The following NFIA variants were observed in gnomAD, a reference collection of about 807,000 sequenced individuals.
NFIA encodes the protein nuclear factor I A.
In NFIA, 8 loss-of-function variants were observed where a neutral mutation model predicts 62.8. The observed-to-expected ratio is 0.13, with a 90% CI of 0.07 to 0.23. NFIA has a LOEUF of 0.23. NFIA is among the 10% of genes least tolerant of loss of function. The pLI is 1.00. For missense variants in NFIA, 410 were observed against 642.1 expected (o/e 0.64, Z 3.91); for synonymous variants, 235 against 238.1 (o/e 0.99, Z 0.12).
intron 2 of NFIA, among the ~76,000 whole-genome samples, chr1:61,206,935 T>C (rs555524907): frequency 6.6e-6 from 1 of 152,326 alleles, no homozygotes; most frequent in African/African-American, 2.4e-5. Flanking sequence ...AGTGCTGTCG[T>C]ATGAAAGAAT....
At chr1:61,338,298 C>T (rs1661722800) in intron 4 of NFIA, among the ~76,000 whole-genome samples, 1 of 152,228 alleles carries the variant, frequency 6.6e-6, no homozygotes, top group Non-Finnish European at 1.5e-5. Context: ...TGCCACAAAG[C>T]TCAGCTGCCG....
intron 9 of NFIA, among the ~76,000 whole-genome samples, chr1:61,420,237 T>C (rs1208643610): frequency 1.3e-5 from 2 of 152,228 alleles, no homozygotes; most frequent in Non-Finnish European, 2.9e-5. Flanking sequence ...TTCTAGCATT[T>C]CTTTTGTGAC....
At chr1:61,384,124 G>A (rs759817508) in intron 7 of NFIA, among the ~76,000 whole-genome samples, 1 of 152,158 alleles carries the variant, frequency 6.6e-6, no homozygotes, top group Non-Finnish European at 1.5e-5. Context: ...CACAGTAGAA[G>A]TATGAATAAT....
At chr1:61,170,042 T>C (rs1421635049) in intron 2 of NFIA, among the ~76,000 whole-genome samples, 1 of 152,224 alleles carries the variant, frequency 6.6e-6, no homozygotes, top group Non-Finnish European at 1.5e-5. Context: ...ATTTGTTGTT[T>C]GGAAGGCATG....
At chr1:61,255,757 A>T (rs1233644380) in intron 2 of NFIA, among the ~76,000 whole-genome samples, 1 of 152,162 alleles carries the variant, frequency 6.6e-6, no homozygotes, top group Admixed American at 6.5e-5. Flanking sequence ...AGTAGAAAAG[A>T]TACCTCTTTT....
intron 9 of NFIA, among the ~76,000 whole-genome samples, chr1:61,415,321 A>T (rs1164877871): frequency 1.3e-5 from 2 of 152,186 alleles, no homozygotes; most frequent in East Asian, 1.9e-4. Flanking sequence ...GGGCTTTCTA[A>T]ATAATGCCAA....
intron 3 of NFIA, among the ~76,000 whole-genome samples, chr1:61,286,064 C>G (rs935309811): frequency 6.6e-6 from 1 of 152,144 alleles, no homozygotes; most frequent in African/African-American, 2.4e-5. Flanking sequence ...AAGGGAAAAT[C>G]AGTTGTCCAA....
At chr1:61,106,923 A>G (rs1476725528) in intron 2 of NFIA, among the ~76,000 whole-genome samples, 1 of 151,330 alleles carries the variant, frequency 6.6e-6, no homozygotes, top group African/African-American at 2.4e-5. Flanking sequence ...GTTTTATAAA[A>G]AATCATATAT....
chr1:61,383,087 A>C (rs1664500839), intron 6 of NFIA, 150 bp from the exon 7 acceptor site: 1 of 959,004 alleles, frequency 1.0e-6, no homozygotes, highest in African/African-American at 1.7e-5. Flanking sequence ...TGTTTCTGTG[A>C]CAAATGCAAA....
intron 2 of NFIA, among the ~76,000 whole-genome samples, chr1:61,173,432 C>T (rs181365911): frequency 1.7e-4 from 26 of 152,168 alleles, no homozygotes; most frequent in Non-Finnish European, 3.1e-4. Context: ...CTGTTGCCCA[C>T]GCAGGAGTGC....
At chr1:61,103,296 C>T (rs1011490037) in intron 2 of NFIA, among the ~76,000 whole-genome samples, 2 of 152,134 alleles carry the variant, frequency 1.3e-5, no homozygotes, top group Non-Finnish European at 2.9e-5. Context: ...AGTAGTCCTA[C>T]TTGGGATGTC....
chr1:61,433,163 G>C (rs998473900), intron 10 of NFIA, among the ~76,000 whole-genome samples: 4 of 152,178 alleles, frequency 2.6e-5, no homozygotes, highest in South Asian at 2.1e-4. Flanking sequence ...TAGTCCCAGT[G>C]CTCCCTGGCT....
intron 4 of NFIA, among the ~76,000 whole-genome samples, chr1:61,332,792 G>A (rs1289879136): frequency 6.6e-6 from 1 of 152,138 alleles, no homozygotes; most frequent in African/African-American, 2.4e-5. Context: ...ATAAAAGAAA[G>A]ACCAAAATCC....
chr1:61,436,496 C>T (rs1160755705), intron 10 of NFIA, among the ~76,000 whole-genome samples: 1 of 152,134 alleles, frequency 6.6e-6, no homozygotes, highest in Non-Finnish European at 1.5e-5. Context: ...ATTAGGAATC[C>T]TTTTGGACCT....
intron 2 of NFIA, among the ~76,000 whole-genome samples, chr1:61,201,864 T>G (rs1652523177): frequency 6.6e-6 from 1 of 152,184 alleles, no homozygotes; most frequent in Non-Finnish European, 1.5e-5. Flanking sequence ...AGTAGCAATT[T>G]CTGGGCTAAG....
intron 2 of NFIA, among the ~76,000 whole-genome samples, chr1:61,270,852 G>A (rs1033105744): frequency 2.0e-5 from 3 of 152,178 alleles, no homozygotes; most frequent in African/African-American, 4.8e-5. Flanking sequence ...AGCAGGCACC[G>A]CTGTGAACAC....
At chr1:61,118,659 AGTGTGTGTGTGTGTGTGT>A (rs5774536) in intron 2 of NFIA, among the ~76,000 whole-genome samples, 1,614 of 144,314 alleles carry the variant, frequency 0.011, 8 homozygotes, top group Middle Eastern at 0.031. Context: ...GGTCGGGATG[AGTGTGTGTGTGTGTGTGT>A]GTGTGTGTGT....
At chr1:61,392,055 C>T (rs1488384537) in intron 7 of NFIA, among the ~76,000 whole-genome samples, 4 of 152,142 alleles carry the variant, frequency 2.6e-5, no homozygotes, top group South Asian at 2.1e-4. Flanking sequence ...CAAATGCAGG[C>T]CTCATAGACC....
chr1:61,166,791 G>A (rs553126121), intron 2 of NFIA, among the ~76,000 whole-genome samples: 1 of 152,302 alleles, frequency 6.6e-6, no homozygotes, highest in East Asian at 1.9e-4. Context: ...GTTTATTGAG[G>A]ACCTACTTTG....
Sources: gnomAD v4.1 joint callset for allele counts (sites outside exome capture counted in the v4.1 genomes callset) on GRCh38, gnomAD v4.1.1 for gene constraint, MANE v1.5 for transcripts, NCBI Gene and HGNC (gene_info 2026-07-23, HGNC 2026-07-21) for gene names.